Variants in UMOD observed in about 807,000 individuals in gnomAD.
UMOD encodes uromodulin, also known as Tamm-Horsfall urinary glycoprotein.
In UMOD, 64 loss-of-function variants were observed where a neutral mutation model predicts 66.0. The ratio of observed to expected loss-of-function variants is 0.97; its 90% confidence interval spans 0.79 to 1.19. UMOD has a LOEUF of 1.19. UMOD is among the 50% of genes most tolerant of loss of function. The pLI is 0.00. For synonymous variants in UMOD, 398 were observed against 352.7 expected (o/e 1.13, Z -1.44); for missense variants, 764 against 850.9 (o/e 0.90, Z 1.27).
intron 7 of UMOD, among the ~76,000 whole-genome samples, chr16:20,340,031 C>A (rs1031475083): frequency 1.3e-5 from 2 of 152,176 alleles, no homozygotes. Flanking sequence ...GGGCTGCCTG[C>A]TGCCCTGGGC....
Position 20,348,421 on chromosome 16 carries a change from G to GA in UMOD, c.865+14dup. 6.2e-7 allele frequency: 1 copy of GA among 1,614,078 alleles called. No individual in the cohort carries two copies. Among genetic ancestry groups the GA allele is most frequent in the Non-Finnish European group, 8.5e-7 (1 of 1,180,042 alleles). On this transcript the variant is annotated intron_variant, in intron 3 of 10. Transcript: ENST00000396138. ...CCAGGCCTGGGATGAGGACTGTGGG[G>GA]AGACTCCGGCTGACCTGTGCAGTAC... is the stretch of plus-strand genomic sequence containing the variant.
chr16:20,349,875 T>C, intron 2 of UMOD: 2 of 1,521,842 alleles, frequency 1.3e-6, no homozygotes, highest in Non-Finnish European at 8.8e-7. Flanking sequence ...TGTTCCTCCG[T>C]AATAAAAATA....
At chr16:20,333,409 T>C in intron 10 of UMOD, 34 bp from the exon 11 acceptor site, 1 of 1,590,450 alleles carries the variant, frequency 6.3e-7, no homozygotes. Flanking sequence ...CAACTGCTAG[T>C]ACTGCTGTAC....
upstream of UMOD, among the ~76,000 whole-genome samples, chr16:20,353,416 G>A (rs556876003): frequency 1.3e-5 from 2 of 152,190 alleles, no homozygotes; most frequent in Non-Finnish European, 2.9e-5. Context: ...TGTGGCAGTG[G>A]GCTCATTTCT....
chr16:20,347,381 C>A (rs967511198), intron 4 of UMOD, among the ~76,000 whole-genome samples: 1 of 152,316 alleles, frequency 6.6e-6, no homozygotes, highest in African/African-American at 2.4e-5. Context: ...GGGCAGGAAA[C>A]AACATCCAGC....
Position 20,348,311 on chromosome 16 carries a change from C to T in UMOD, c.885G>A (p.Gly295=), listed in dbSNP as rs28544423. The change falls in exon 4 of 11, where the codon GGG becomes GGA. Residue 295 remains glycine, a synonymous_variant. Transcript: ENST00000396138. ...AYCTDPSSVE[G]TCEECSIDED... ...CGTCTATACTGCACTCCTCACACGT[C>T]CCCTCCACGGAGCTGGGGTCTGCAG... is the stretch of plus-strand genomic sequence containing the variant. The T allele has an allele frequency of 0.17, 276,915 of 1,614,024 alleles. 25,159 individuals carry two copies. The highest frequency in any genetic ancestry group is 0.2 in the Middle Eastern group (1,183 of 6,062).
intron 7 of UMOD, among the ~76,000 whole-genome samples, chr16:20,337,692 T>C (rs760027429): frequency 6.6e-6 from 1 of 152,244 alleles, no homozygotes; most frequent in Non-Finnish European, 1.5e-5. Context: ...GTGTGTAGCA[T>C]GCCATAGGTG....
intron 6 of UMOD, 103 bp from the exon 7 acceptor site, chr16:20,341,439 C>T: frequency 6.4e-7 from 1 of 1,574,540 alleles, no homozygotes; most frequent in Non-Finnish European, 8.6e-7. Flanking sequence ...CAGTTATTTG[C>T]ATTTTTATCC....
Position 20,348,636 on chromosome 16 carries a change from C to G in UMOD, c.665G>C (p.Arg222Pro). ...CCACATGGGGGCGGCCGTGTTGCAG[C>G]GCAGGACTGGCACGCAGGTCTCGGC... is the stretch of plus-strand genomic sequence containing the variant. ...RMAETCVPVL[R>P]CNTAAPMWLN... The change falls in exon 3 of 11, where the codon CGC (arginine) becomes CCC (proline). Residue 222 changes from arginine (R) to proline (P), a missense_variant. Arg to Pro is a moderately radical substitution (Grantham distance 103). Transcript: ENST00000396138. The G allele has an allele frequency of 6.3e-7, 1 of 1,576,798 alleles. No homozygotes were observed. Among genetic ancestry groups the G allele is most frequent in the Non-Finnish European group, 8.6e-7 (1 of 1,165,942 alleles).
At chr16:20,337,191 T>G in intron 8 of UMOD, 100 bp downstream of exon 8, 2 of 1,487,594 alleles carry the variant, frequency 1.3e-6, no homozygotes, top group South Asian at 2.4e-5. Context: ...TCTATCCCTC[T>G]GGTAAAAGAG....
upstream of UMOD, among the ~76,000 whole-genome samples, chr16:20,354,941 C>A (rs1213221873): frequency 6.6e-6 from 1 of 152,144 alleles, no homozygotes; most frequent in African/African-American, 2.4e-5. Flanking sequence ...CTTTAGATCA[C>A]CCCAAGGGAC....
At chr16:20,355,344 C>A (rs142043305), upstream of UMOD, among the ~76,000 whole-genome samples, 1 of 151,924 alleles carries the variant, frequency 6.6e-6, no homozygotes, top group Non-Finnish European at 1.5e-5. Context: ...TGTTTTTGAA[C>A]GAACCTTAAT....
chr16:20,333,353 A>T lies in UMOD; in HGVS notation c.1884T>A (p.Pro628=). The T allele has an allele frequency of 6.2e-7, 1 of 1,613,218 alleles. No individual in the cohort carries two copies. Among genetic ancestry groups the T allele is most frequent in the East Asian group, 2.2e-5 (1 of 44,832 alleles). Residue 628 remains proline, a synonymous_variant, in exon 11 of 11, where the codon CCT becomes CCA. Transcript: ENST00000396138. ...SSLGLLKVWL[P]LLLSATLTLT... ...GGGTCAAGGTGGCCGAGAGAAGCAG[A>T]GGCAGCCAGACTTTCAGGAGCCCTG...
Position 20,334,032 on chromosome 16 carries a change from C to CAAAAAAAAAA in UMOD, c.1862-667_1862-658dup, listed in dbSNP as rs575596167. On this transcript the variant is annotated intron_variant, in intron 10 of 10. Transcript: ENST00000396138. ...CTGGGTGACAGAGCAGATTCCATCT[C>CAAAAAAAAAA]AAAAAAAAAAAAAAAAAAAAAAGCC... 3.5e-5 allele frequency among the ~76,000 whole-genome samples: 2 copies of CAAAAAAAAAA among 57,108 alleles called. 1 individual carries two copies. The highest frequency in any genetic ancestry group is 1.3e-4 in the African/African-American group (2 of 15,580). 37.5% of individuals were successfully genotyped at this position (57,108 alleles called of 152,430 possible).
chr16:20,350,842 G>C lies in UMOD; in HGVS notation c.-102-3C>G, dbSNP rs753764029. The C allele has an allele frequency of 6.4e-7, 1 of 1,565,248 alleles. No individual in the cohort carries two copies. The highest frequency in any genetic ancestry group is 1.9e-5 in the Admixed American group (1 of 52,694). Reference sequence around the variant, plus strand: ...CTCTGTCTCTGATGTCTGGTGTCCTGTGAACAGAGATGGATGGGACAAATG... The same window carrying C: ...CTCTGTCTCTGATGTCTGGTGTCCTCTGAACAGAGATGGATGGGACAAATG... On this transcript the variant is annotated splice_polypyrimidine_tract_variant and splice_region_variant and intron_variant, in intron 1 of 10. Coordinates refer to ENST00000396138, the MANE Select transcript of UMOD (RefSeq NM_003361.4).
At chr16:20,355,916 C>T (rs1327615413), upstream of UMOD, among the ~76,000 whole-genome samples, 4 of 152,102 alleles carry the variant, frequency 2.6e-5, no homozygotes, top group Non-Finnish European at 4.4e-5. Context: ...ACACAGCTAG[C>T]GAGTGTTAAA....
chr16:20,350,738 C>T lies in UMOD; in HGVS notation c.-1G>A, dbSNP rs1218916251. 2 of 1,614,182 alleles carry T rather than the reference C, an allele frequency of 1.2e-6. No homozygotes were observed. The highest frequency in any genetic ancestry group is 2.2e-5 in the South Asian group (2 of 91,080). On this transcript the variant is annotated 5_prime_UTR_variant, in exon 2 of 11. Coordinates refer to ENST00000396138, the MANE Select transcript of UMOD (RefSeq NM_003361.4). Reference sequence around the variant, plus strand: ...TCCAAGTCAGAGATGGCTGCCCCATCCTTTCTGCTCTTCCCGCTACTTCAG... The same window carrying T: ...TCCAAGTCAGAGATGGCTGCCCCATTCTTTCTGCTCTTCCCGCTACTTCAG...
At chr16:20,341,380 T>C (rs996006142) in intron 6 of UMOD, 44 bp from the exon 7 acceptor site, 2 of 1,608,242 alleles carry the variant, frequency 1.2e-6, no homozygotes, top group Non-Finnish European at 1.7e-6. Context: ...GCTGAGAACA[T>C]CTGCAGATAG....
At chr16:20,351,411 A>G (rs1965887756) in intron 1 of UMOD, 1 of 162,596 alleles carries the variant, frequency 6.2e-6, no homozygotes, top group Non-Finnish European at 1.4e-5. Context: ...TCCAATTGGA[A>G]AAATAGTCCA....
Sources: gnomAD v4.1 joint callset for allele counts (sites outside exome capture counted in the v4.1 genomes callset) on GRCh38, gnomAD v4.1.1 for gene constraint, MANE v1.5 for transcripts, NCBI Gene and HGNC (gene_info 2026-07-23, HGNC 2026-07-21) for gene names.